SLC24A2: variants seen among roughly 807,000 people sequenced by gnomAD.
SLC24A2 encodes solute carrier family 24 member 2.
SLC24A2 carries 36 observed loss-of-function variants against 62.0 expected under a neutral mutation model. The ratio of observed to expected loss-of-function variants is 0.58; its 90% CI spans 0.44 to 0.77. The LOEUF (loss-of-function observed/expected upper bound fraction) is 0.77. SLC24A2 is among the 30% of genes least tolerant of loss of function. SLC24A2 has a pLI of 0.00. For synonymous variants in SLC24A2, 358 were observed against 294.0 expected, an observed-to-expected ratio of 1.22 and a Z score of -2.23; for missense variants, 846 against 817.9, an observed-to-expected ratio of 1.03 and a Z score of -0.42.
At chr9:19,822,263 C>G in the SLC24A2 span, among the ~76,000 whole-genome samples, 3 of 152,112 alleles carry the variant, frequency 2.0e-5, no homozygotes, top group East Asian at 5.8e-4. Context: ...GAATGTTATC[C>G]ATGCCAATCA....
the SLC24A2 span, among the ~76,000 whole-genome samples, chr9:19,841,824 G>A: frequency 6.6e-6 from 1 of 152,162 alleles, no homozygotes; most frequent in Admixed American, 6.5e-5. Context: ...AATCAGGGGG[G>A]CATAATTATT....
At chr9:19,831,315 T>G in the SLC24A2 span, among the ~76,000 whole-genome samples, 1 of 152,210 alleles carries the variant, frequency 6.6e-6, no homozygotes, top group Non-Finnish European at 1.5e-5. Context: ...AAGACCTTCT[T>G]GTGTTTTTCT....
chr9:19,751,235 A>G (rs762446567), intron 2 of SLC24A2, among the ~76,000 whole-genome samples: 10 of 152,152 alleles, frequency 6.6e-5, no homozygotes, highest in Non-Finnish European at 1.3e-4. Context: ...CTCTTTATCC[A>G]TCTTAACTTG....
the SLC24A2 span, among the ~76,000 whole-genome samples, chr9:20,093,981 A>T: frequency 3.9e-5 from 6 of 152,286 alleles, no homozygotes; most frequent in African/African-American, 1.4e-4. Flanking sequence ...TTAAAATTTT[A>T]AAAATAAAAA....
At chr9:19,835,145 G>A in the SLC24A2 span, among the ~76,000 whole-genome samples, 21 of 152,236 alleles carry the variant, frequency 1.4e-4, no homozygotes, top group Non-Finnish European at 2.5e-4. Flanking sequence ...AGACCATCAA[G>A]GCTAGGAAGA....
chr9:20,200,714 G>A, the SLC24A2 span, among the ~76,000 whole-genome samples: 1 of 152,216 alleles, frequency 6.6e-6, no homozygotes, highest in East Asian at 1.9e-4. Context: ...ATTGGCCTCT[G>A]CCCAGGGACG....
chr9:20,073,801 A>T, the SLC24A2 span, among the ~76,000 whole-genome samples: 28,046 of 150,888 alleles, frequency 0.19, 3,895 homozygotes, highest in East Asian at 0.66. Flanking sequence ...ATATGTATAC[A>T]TTGTGTATGT....
chr9:19,907,821 A>T, the SLC24A2 span, among the ~76,000 whole-genome samples: 1 of 152,218 alleles, frequency 6.6e-6, no homozygotes, highest in South Asian at 2.1e-4. Context: ...ACCACTGCTC[A>T]ATGAAATAAA....
At chr9:19,705,226 G>A (rs1244325707) in intron 2 of SLC24A2, 1 of 152,120 alleles carries the variant, frequency 6.6e-6, no homozygotes, top group Non-Finnish European at 1.5e-5. Context: ...ATGACATAAT[G>A]CAAATAAGAC....
the SLC24A2 span, among the ~76,000 whole-genome samples, chr9:20,300,751 T>C: frequency 3.3e-5 from 5 of 152,204 alleles, no homozygotes; most frequent in Non-Finnish European, 7.3e-5. Flanking sequence ...AATATTTAAT[T>C]AATACCTTCA....
intron 9 of SLC24A2, among the ~76,000 whole-genome samples, chr9:19,526,143 ATAT>A (rs1247274446): frequency 2.0e-5 from 3 of 152,252 alleles, no homozygotes; most frequent in Middle Eastern, 3.4e-3. Flanking sequence ...ACTTAGCATA[ATAT>A]TTTCGAATTT....
chr9:20,007,049 G>C, the SLC24A2 span, among the ~76,000 whole-genome samples: 6 of 152,128 alleles, frequency 3.9e-5, no homozygotes, highest in South Asian at 2.1e-4. Context: ...GCTTTCTCTA[G>C]TAAAATCCCA....
chr9:19,963,406 G>T, the SLC24A2 span, among the ~76,000 whole-genome samples: 4 of 150,478 alleles, frequency 2.7e-5, no homozygotes, highest in Admixed American at 1.3e-4. Context: ...CACAGCAAAA[G>T]AAACTACCAT....
the SLC24A2 span, among the ~76,000 whole-genome samples, chr9:19,974,861 G>T: frequency 6.6e-6 from 1 of 152,148 alleles, no homozygotes; most frequent in Non-Finnish European, 1.5e-5. Context: ...ATATTATTTC[G>T]TAGGATGCTT....
the SLC24A2 span, among the ~76,000 whole-genome samples, chr9:20,236,089 G>A: frequency 4.7e-4 from 71 of 152,300 alleles, no homozygotes; most frequent in Middle Eastern, 3.4e-3. Context: ...ACCCAGCACA[G>A]CAAATGAGAT....
the SLC24A2 span, among the ~76,000 whole-genome samples, chr9:20,186,088 A>G: frequency 6.6e-6 from 1 of 152,026 alleles, no homozygotes; most frequent in Non-Finnish European, 1.5e-5. Context: ...TCCTTAGCTC[A>G]CTTTCTGAGG....
At chr9:19,595,216 GATCT>G (rs1396122456) in intron 5 of SLC24A2, among the ~76,000 whole-genome samples, 6 of 152,184 alleles carry the variant, frequency 3.9e-5, no homozygotes, top group African/African-American at 9.6e-5. Flanking sequence ...GTGATAAAGA[GATCT>G]ATTAAACTTA....
At chr9:19,891,516 A>G in the SLC24A2 span, among the ~76,000 whole-genome samples, 1 of 152,156 alleles carries the variant, frequency 6.6e-6, no homozygotes, top group Non-Finnish European at 1.5e-5. Context: ...TAGACGGTGA[A>G]GGGGGAGAAA....
At chr9:19,882,824 T>C in the SLC24A2 span, among the ~76,000 whole-genome samples, 1 of 152,180 alleles carries the variant, frequency 6.6e-6, no homozygotes, top group Non-Finnish European at 1.5e-5. Context: ...TGTCATCTTT[T>C]AATATCTCCT....
Sources: allele counts gnomAD v4.1 joint callset (sites outside exome capture counted in the v4.1 genomes callset), GRCh38; gene constraint gnomAD v4.1.1; transcripts MANE v1.5; gene names NCBI Gene and HGNC (gene_info 2026-07-23, HGNC 2026-07-21).